The following GRK3 variants were observed in gnomAD, a reference collection of about 807,000 sequenced individuals.
The protein encoded by GRK3 is adrenergic, beta, receptor kinase 2.
Under a neutral mutation model 95.7 loss-of-function variants are expected in GRK3, and 54 were observed. The observed-to-expected ratio is 0.56, with a 90% confidence interval of 0.45 to 0.71. The LOEUF (loss-of-function observed/expected upper bound fraction) is 0.71. Among genes scored for constraint, GRK3 ranks in the 30% least tolerant of loss-of-function variants. The probability of loss-of-function intolerance (pLI) is 0.00; values close to 1 mark genes in which losing one functional copy is unlikely to be tolerated. For synonymous variants in GRK3, 281 were observed against 290.8 expected, an observed-to-expected ratio of 0.97 and a Z score of 0.34; for missense variants, 649 against 851.2, an observed-to-expected ratio of 0.76 and a Z score of 2.96.
chr22:25,722,224 G>T, intron 20 of GRK3, 65 bp from the exon 21 acceptor site: 1 of 1,573,144 alleles, frequency 6.4e-7, no homozygotes, highest in Non-Finnish European at 8.7e-7. Context: ...ATCAATAGGG[G>T]CAGCCTCCGC....
intron 20 of GRK3, among the ~76,000 whole-genome samples, 156 bp from the exon 21 acceptor site, chr22:25,722,133 A>C (rs1230820341): frequency 3.3e-5 from 5 of 152,150 alleles, no homozygotes; most frequent in African/African-American, 1.2e-4. Context: ...AGAAGGTGGC[A>C]GCGTGACCCA....
intron 2 of GRK3, among the ~76,000 whole-genome samples, chr22:25,633,027 C>T (rs2146369905): frequency 6.6e-6 from 1 of 152,228 alleles, no homozygotes; most frequent in South Asian, 2.1e-4. Flanking sequence ...TCTCCTGCCT[C>T]AGCCTCCCAA....
chr22:25,610,131 G>A (rs925459104), intron 2 of GRK3, among the ~76,000 whole-genome samples: 4 of 152,040 alleles, frequency 2.6e-5, no homozygotes, highest in African/African-American at 4.8e-5. Context: ...GATTACAGGC[G>A]TGAGCCACCT....
intron 1 of GRK3, among the ~76,000 whole-genome samples, chr22:25,579,888 C>T (rs1932041176): frequency 6.6e-6 from 1 of 152,130 alleles, no homozygotes; most frequent in African/African-American, 2.4e-5. Context: ...CAAAGATCAT[C>T]AATGTATGAT....
intron 2 of GRK3, among the ~76,000 whole-genome samples, chr22:25,608,076 TGTG>T (rs2084466352): frequency 6.6e-6 from 1 of 152,214 alleles, no homozygotes; most frequent in Non-Finnish European, 1.5e-5. Flanking sequence ...TGGGCTCAGA[TGTG>T]GTCGGTGTCA....
chr22:25,716,001 T>G (rs1419199286), intron 18 of GRK3, among the ~76,000 whole-genome samples: 1 of 152,212 alleles, frequency 6.6e-6, no homozygotes, highest in Non-Finnish European at 1.5e-5. Context: ...CTTCTTTTTT[T>G]TTCTAGATGG....
intron 13 of GRK3, among the ~76,000 whole-genome samples, chr22:25,699,699 CTTTT>C (rs532664312): frequency 2.3e-5 from 3 of 129,238 alleles, no homozygotes; most frequent in Non-Finnish European, 3.4e-5. Flanking sequence ...CTTTTCTTTT[CTTTT>C]TTTTTTTTTT....
In GRK3 at chr22:25,727,410, A is replaced by C. The variant is rs1164245273; in HGVS notation, c.*4960A>C. The C allele has an allele frequency of 6.6e-6, 1 of 152,198 alleles. No individual in the cohort carries two copies. The highest frequency in any genetic ancestry group is 2.4e-5 in the African/African-American group (1 of 41,446). 9.4% of individuals were successfully genotyped at this position (152,198 alleles called of 1,614,324 possible). On this transcript the variant is annotated 3_prime_UTR_variant, in exon 21 of 21. Transcript: ENST00000324198. ...ATTTTCTTTGTCCTTAAGGACTAAG[A>C]TAGTTGTTTTATTTCAGCCGAATCA... is the stretch of plus-strand genomic sequence containing the variant.
intron 8 of GRK3, among the ~76,000 whole-genome samples, chr22:25,676,690 C>CAA (rs34695269): frequency 1.0e-3 from 124 of 123,252 alleles, no homozygotes; most frequent in African/African-American, 3.2e-3. Flanking sequence ...GACTCAGTCT[C>CAA]AAAAAAAAAA....
At chr22:25,708,349 G>T (rs1450445430) in intron 15 of GRK3, among the ~76,000 whole-genome samples, 2 of 152,194 alleles carry the variant, frequency 1.3e-5, no homozygotes, top group Admixed American at 6.5e-5. Context: ...CAGGCATCCA[G>T]GACCATCCTG....
intron 1 of GRK3, among the ~76,000 whole-genome samples, chr22:25,572,016 C>G (rs1931715902): frequency 6.6e-6 from 1 of 151,668 alleles, no homozygotes; most frequent in Non-Finnish European, 1.5e-5. Context: ...CTTCCCCCCG[C>G]CCCATGATAG....
chr22:25,704,627 T>A (rs1001361430), intron 15 of GRK3, among the ~76,000 whole-genome samples: 3 of 152,196 alleles, frequency 2.0e-5, no homozygotes, highest in Admixed American at 1.3e-4. Flanking sequence ...GCCAGGCTGG[T>A]CTCAAACTCC....
chr22:25,671,459 A>G (rs2084982723), intron 6 of GRK3, among the ~76,000 whole-genome samples: 2 of 152,262 alleles, frequency 1.3e-5, no homozygotes, highest in Non-Finnish European at 2.9e-5. Context: ...TCATGGATAA[A>G]GAAAACACTC....
chr22:25,690,510 G>A (rs141814449), intron 12 of GRK3, among the ~76,000 whole-genome samples: 66 of 152,308 alleles, frequency 4.3e-4, no homozygotes, highest in Middle Eastern at 3.4e-3. Flanking sequence ...GACCAGGGTG[G>A]CCTCTCAGAA....
At position 25,589,030 on chromosome 22, in the gene GRK3, C is replaced by T. The variant is rs564492243; in HGVS notation, c.114-15347C>T. Reference sequence around the variant, plus strand: ...AAGTGATGCTTCTGCCTCAGCCTCCCGAAGAGCTGAGATTATAGAGCCACC... The same window carrying T: ...AAGTGATGCTTCTGCCTCAGCCTCCTGAAGAGCTGAGATTATAGAGCCACC... On this transcript the variant is annotated intron_variant, in intron 1 of 20. Transcript: ENST00000324198. Among the ~76,000 whole-genome samples, 11 of 152,168 alleles carry T rather than the reference C, an allele frequency of 7.2e-5. 1 individual carries two copies. Among genetic ancestry groups the T allele is most frequent in the African/African-American group, 1.4e-4 (6 of 41,518 alleles).
At chr22:25,642,390 G>A (rs1189732150) in intron 2 of GRK3, among the ~76,000 whole-genome samples, 1 of 152,102 alleles carries the variant, frequency 6.6e-6, no homozygotes, top group Non-Finnish European at 1.5e-5. Context: ...CCAAGATCGC[G>A]CCATTGCACT....
Position 25,615,867 on chromosome 22 carries a change from C to T in GRK3, c.190+11414C>T, listed in dbSNP as rs1216112363. On this transcript the variant is annotated intron_variant, in intron 2 of 20. Coordinates refer to ENST00000324198, the MANE Select transcript of GRK3 (RefSeq NM_005160.4). ...TTCATAAGGACAATTGAGCAAAGTCCTCTGGGAGAGGAGGGGCCGAGCCCC... is the reference window on the plus strand; with the variant it reads ...TTCATAAGGACAATTGAGCAAAGTCTTCTGGGAGAGGAGGGGCCGAGCCCC... 2.7e-5 allele frequency among the ~76,000 whole-genome samples: 4 copies of T among 147,558 alleles called. 1 individual carries two copies. Among genetic ancestry groups the T allele is most frequent in the South Asian group, 2.1e-4 (1 of 4,722 alleles).
chr22:25,679,536 A>G (rs781621478), intron 9 of GRK3, among the ~76,000 whole-genome samples: 1 of 152,220 alleles, frequency 6.6e-6, no homozygotes, highest in Non-Finnish European at 1.5e-5. Flanking sequence ...TTTACTTACT[A>G]AATAGCTGCC....
Position 25,590,269 on chromosome 22 carries a change from T to TA in GRK3, c.114-14106dup, listed in dbSNP as rs1231979909. ...TGCCACTGCGAAAAAAATGTTCCCT[T>TA]AATATTATCAAATAGTCAATGCACA... is the stretch of plus-strand genomic sequence containing the variant. On this transcript the variant is annotated intron_variant, in intron 1 of 20. Coordinates refer to ENST00000324198, the MANE Select transcript of GRK3 (RefSeq NM_005160.4). Among the ~76,000 whole-genome samples, 4 of 152,236 alleles carry TA rather than the reference T, an allele frequency of 2.6e-5. No homozygotes were observed. In the East Asian group the frequency reaches 7.7e-4, roughly 29 times the overall value.
Sources: allele counts gnomAD v4.1 joint callset (sites outside exome capture counted in the v4.1 genomes callset), GRCh38; gene constraint gnomAD v4.1.1; transcripts MANE v1.5; gene names NCBI Gene and HGNC (gene_info 2026-07-23, HGNC 2026-07-21).